PPM1E: variants seen among roughly 807,000 people sequenced by gnomAD.
The protein encoded by PPM1E is protein phosphatase 1E.
In PPM1E, 20 loss-of-function variants were observed where a neutral mutation model predicts 65.9. That is an observed-to-expected ratio of 0.30 (90% CI 0.21 to 0.44). The LOEUF (loss-of-function observed/expected upper bound fraction) is 0.44. Among genes scored for constraint, PPM1E ranks in the 20% least tolerant of loss-of-function variants. The pLI, the probability that PPM1E is intolerant of heterozygous loss-of-function variation, is 1.00. For missense variants in PPM1E, 713 were observed against 953.1 expected (o/e 0.75, Z 3.32); for synonymous variants, 352 against 374.9 (o/e 0.94, Z 0.70).
chr17:58,811,281 C>A (rs1171434698), intron 1 of PPM1E, among the ~76,000 whole-genome samples: 2 of 152,032 alleles, frequency 1.3e-5, no homozygotes, highest in East Asian at 3.9e-4. Context: ...AATTAGTGTT[C>A]TATTTATCTG....
In PPM1E at chr17:58,756,282, TGAG is replaced by T. The variant is rs544816257; in HGVS notation, c.299_301del (p.Glu100del). On this transcript the variant is annotated inframe_deletion, in exon 1 of 7. Coordinates refer to ENST00000308249, the MANE Select transcript of PPM1E (RefSeq NM_014906.5). ...CCGAGGAGGAGGCGGCGGTTGAGGGTGAGGAGGAGGAGGAGGGCGCGGCGACGG... is the reference window on the plus strand; with the variant it reads ...CCGAGGAGGAGGCGGCGGTTGAGGGTGAGGAGGAGGAGGGCGCGGCGACGG... 1,378 of 1,521,938 alleles carry T rather than the reference TGAG, an allele frequency of 9.1e-4. No individual in the cohort carries two copies. The highest frequency in any genetic ancestry group is 3.0e-3 in the South Asian group (243 of 81,824). The allele number at this position is 1,521,938 out of a possible 1,614,324, so 94.3% of individuals were successfully genotyped here. A position where few individuals can be genotyped will look rare whatever the true frequency, so the allele number is the denominator to read the frequency against.
chr17:58,882,201 A>G (rs1258036592), intron 1 of PPM1E, among the ~76,000 whole-genome samples: 3 of 151,954 alleles, frequency 2.0e-5, no homozygotes, highest in African/African-American at 7.3e-5. Flanking sequence ...AAAGAAGTAC[A>G]ATAAAAAGCA....
chr17:58,858,097 G>A (rs551790094), intron 1 of PPM1E, among the ~76,000 whole-genome samples: 1 of 152,152 alleles, frequency 6.6e-6, no homozygotes, highest in South Asian at 2.1e-4. Context: ...TAATGCTCTT[G>A]ATTCCTCCTT....
chr17:58,756,309 G>C lies in PPM1E; in HGVS notation c.312G>C (p.Thr104=), dbSNP rs1009271665. ...EGEEEEEGAA[T]AAAAPGHSAV... The stretch of plus-strand genomic sequence containing the variant: ...AGGAGGAGGAGGAGGGCGCGGCGAC[G>C]GCGGCGGCAGCCCCGGGGCACTCGG... Residue 104 remains threonine, a synonymous_variant, in exon 1 of 7, where the codon ACG becomes ACC. Transcript: ENST00000308249. 2 of 1,508,526 alleles carry C rather than the reference G, an allele frequency of 1.3e-6. No homozygotes were observed. 93.4% of individuals were successfully genotyped at this position (1,508,526 alleles called of 1,614,324 possible).
intron 1 of PPM1E, among the ~76,000 whole-genome samples, chr17:58,923,171 G>A (rs1255575406): frequency 6.7e-6 from 1 of 149,346 alleles, no homozygotes; most frequent in Non-Finnish European, 1.5e-5. Context: ...TGTAGGCCCA[G>A]CTACTCATGA....
chr17:58,972,041 A>G, intron 4 of PPM1E, 91 bp from the exon 5 acceptor site: 2 of 1,254,068 alleles, frequency 1.6e-6, no homozygotes, highest in Non-Finnish European at 2.2e-6. Flanking sequence ...TATAGCTCCC[A>G]GCTGAAAAGC....
At chr17:58,827,901 C>T (rs868580171) in intron 1 of PPM1E, among the ~76,000 whole-genome samples, 1 of 113,264 alleles carries the variant, frequency 8.8e-6, no homozygotes, top group South Asian at 3.0e-4. Flanking sequence ...GACTCCATCT[C>T]AAAAAAAAAA....
intron 1 of PPM1E, among the ~76,000 whole-genome samples, chr17:58,842,171 C>G (rs2050726110): frequency 6.6e-6 from 1 of 152,064 alleles, no homozygotes; most frequent in African/African-American, 2.4e-5. Flanking sequence ...AATAGAGGGC[C>G]ATCCTGTAGT....
chr17:58,872,514 C>T (rs2051082524), intron 1 of PPM1E, among the ~76,000 whole-genome samples: 1 of 152,004 alleles, frequency 6.6e-6, no homozygotes, highest in South Asian at 2.1e-4. Context: ...TCATGGTGAC[C>T]AAAATGTCAA....
chr17:58,775,140 T>C (rs917222076), intron 1 of PPM1E, among the ~76,000 whole-genome samples: 4 of 152,166 alleles, frequency 2.6e-5, no homozygotes, highest in African/African-American at 9.7e-5. Context: ...TGTGATAAAA[T>C]AGTTTTATAA....
At chr17:58,935,332 C>T (rs930665838) in intron 1 of PPM1E, among the ~76,000 whole-genome samples, 2 of 151,472 alleles carry the variant, frequency 1.3e-5, no homozygotes, top group African/African-American at 2.4e-5. Context: ...TAAGAGGATT[C>T]GGAAGTGCAA....
chr17:58,866,322 A>G lies in PPM1E; in HGVS notation c.465-89327A>G, dbSNP rs892817475. Among the ~76,000 whole-genome samples, 3 of 152,174 alleles carry G rather than the reference A, an allele frequency of 2.0e-5. No homozygotes were observed. In the South Asian group the frequency reaches 6.2e-4, roughly 31 times the overall value. ...TAGATTCCCTCAAATCAAGGAGCTC[A>G]TTTTTACATTGAATCCTAGGTCTTC... On this transcript the variant is annotated intron_variant, in intron 1 of 6. Coordinates refer to ENST00000308249, the MANE Select transcript of PPM1E (RefSeq NM_014906.5).
intron 1 of PPM1E, among the ~76,000 whole-genome samples, chr17:58,868,948 C>G (rs2051038618): frequency 6.6e-6 from 1 of 152,178 alleles, no homozygotes; most frequent in Non-Finnish European, 1.5e-5. Flanking sequence ...GGGCAGATCA[C>G]CTGAGGTCAA....
chr17:58,831,637 A>G (rs115072627), intron 1 of PPM1E, among the ~76,000 whole-genome samples: 4 of 152,180 alleles, frequency 2.6e-5, no homozygotes, highest in East Asian at 1.9e-4. Flanking sequence ...GCTGTCTGAG[A>G]TAGCTAGTAT....
chr17:58,913,984 T>C (rs1292209510), intron 1 of PPM1E, among the ~76,000 whole-genome samples: 2 of 152,204 alleles, frequency 1.3e-5, no homozygotes, highest in African/African-American at 4.8e-5. Context: ...TTATCATCTT[T>C]GTTTTAAAGT....
intron 1 of PPM1E, among the ~76,000 whole-genome samples, chr17:58,778,129 T>G (rs1206806717): frequency 6.6e-6 from 1 of 152,024 alleles, no homozygotes; most frequent in Admixed American, 6.6e-5. Flanking sequence ...AGATGGAGTC[T>G]TGCTCTGTTG....
At chr17:58,757,161 A>G (rs2049777028) in intron 1 of PPM1E, among the ~76,000 whole-genome samples, 1 of 152,178 alleles carries the variant, frequency 6.6e-6, no homozygotes, top group South Asian at 2.1e-4. Flanking sequence ...TTGAGAGGGA[A>G]GGGTAAGCAA....
At chr17:58,898,846 A>G (rs1406906421) in intron 1 of PPM1E, among the ~76,000 whole-genome samples, 2 of 152,304 alleles carry the variant, frequency 1.3e-5, no homozygotes, top group East Asian at 3.9e-4. Context: ...GGATGCGTTC[A>G]TGTCCTTTGT....
rs550747399 is a variant in PPM1E at position 58,759,255 on chromosome 17, CAAAA to C, written c.464+2801_464+2804del. Among the ~76,000 whole-genome samples, 4 of 148,040 alleles carry C rather than the reference CAAAA, an allele frequency of 2.7e-5. No individual in the cohort carries two copies. In the South Asian group the frequency reaches 8.5e-4, roughly 32 times the overall value. On this transcript the variant is annotated intron_variant, in intron 1 of 6. Transcript: ENST00000308249. ...CCTGAGTGACAGTGAGACGTTGTCT[CAAAA>C]AAAAAAGTTACCTACGTTTTACTCC... is the stretch of plus-strand genomic sequence containing the variant.
Sources: gnomAD v4.1 joint callset for allele counts (sites outside exome capture counted in the v4.1 genomes callset) on GRCh38, gnomAD v4.1.1 for gene constraint, MANE v1.5 for transcripts, NCBI Gene and HGNC (gene_info 2026-07-23, HGNC 2026-07-21) for gene names.